Variants in PSMC2 observed in about 807,000 individuals in gnomAD.
The protein encoded by PSMC2 is proteasome 26S subunit, ATPase 2.
In PSMC2, 7 loss-of-function variants were observed where a neutral mutation model predicts 53.3. The observed-to-expected ratio is 0.13, with a 90% CI of 0.07 to 0.25. The LOEUF (loss-of-function observed/expected upper bound fraction) is 0.25, where lower values mean the gene tolerates loss of function less well. PSMC2 is among the 10% of genes least tolerant of loss of function. PSMC2 has a pLI of 1.00. For missense variants in PSMC2, 241 were observed against 544.0 expected (o/e 0.44, Z 5.54); for synonymous variants, 169 against 183.9 (o/e 0.92, Z 0.66).
At chr7:103,350,952 C>T (rs988360979) in intron 1 of PSMC2, among the ~76,000 whole-genome samples, 2 of 152,138 alleles carry the variant, frequency 1.3e-5, no homozygotes, top group East Asian at 1.9e-4. Context: ...CCCTTGGTTT[C>T]TCTTGCTGAA....
chr7:103,366,035 T>C (rs970364877), intron 8 of PSMC2, 41 bp from the exon 9 acceptor site: 3 of 1,515,690 alleles, frequency 2.0e-6, no homozygotes, highest in Admixed American at 1.8e-5. Flanking sequence ...TTAAAATATT[T>C]TGAAACCAAT....
chr7:103,359,206 TG>T (rs370145007), intron 4 of PSMC2, among the ~76,000 whole-genome samples: 33 of 140,210 alleles, frequency 2.4e-4, no homozygotes, highest in African/African-American at 7.5e-4. Flanking sequence ...CCATGTTGCC[TG>T]GGCTGCTCTT....
At chr7:103,349,599 CCCA>C (rs1819683486) in intron 1 of PSMC2, among the ~76,000 whole-genome samples, 1 of 152,046 alleles carries the variant, frequency 6.6e-6, no homozygotes, top group Non-Finnish European at 1.5e-5. Flanking sequence ...CAGGCACCCC[CCCA>C]CCACACCCAA....
At chr7:103,362,174 G>T in intron 5 of PSMC2, 86 bp downstream of exon 5, 10 of 1,571,466 alleles carry the variant, frequency 6.4e-6, no homozygotes, top group Non-Finnish European at 8.6e-6. Context: ...GTGAATAAAT[G>T]GACTGAGTTC....
At chr7:103,348,336 A>T (rs894641531) in intron 1 of PSMC2, among the ~76,000 whole-genome samples, 1 of 152,324 alleles carries the variant, frequency 6.6e-6, no homozygotes, top group South Asian at 2.1e-4. Flanking sequence ...TATTCTATAC[A>T]TATACAAGCA....
At chr7:103,357,326 C>CAAA (rs762310758) in intron 4 of PSMC2, among the ~76,000 whole-genome samples, 1 of 77,828 alleles carries the variant, frequency 1.3e-5, no homozygotes, top group African/African-American at 4.7e-5. Context: ...TACTCTGTCT[C>CAAA]AAAAAAAAAA....
Position 103,368,132 on chromosome 7 carries a change from C to A in PSMC2, c.*78C>A. On this transcript the variant is annotated 3_prime_UTR_variant, in exon 12 of 12. Transcript: ENST00000292644. The stretch of plus-strand genomic sequence containing the variant: ...GACTTGTTAATAACCAATTCATAAA[C>A]AAATAAATGGCTTCAAAATTGTATG... The A allele has an allele frequency of 7.9e-7, 1 of 1,266,810 alleles. No individual in the cohort carries two copies. The highest frequency in any genetic ancestry group is 1.1e-6 in the Non-Finnish European group (1 of 929,522). The allele number at this position is 1,266,810 out of a possible 1,614,324, so 78.5% of individuals were successfully genotyped here.
At position 103,368,223 on chromosome 7, in the gene PSMC2, C is replaced by CTTGT. The variant is rs1303437593; in HGVS notation, c.*171_*174dup. The CTTGT allele has an allele frequency of 2.4e-5, 16 of 656,354 alleles. 1 individual carries two copies. Among genetic ancestry groups the CTTGT allele is most frequent in the African/African-American group, 9.3e-5 (5 of 53,928 alleles). 40.7% of individuals were successfully genotyped at this position (656,354 alleles called of 1,614,324 possible). ...TTTCTAATGTTATTAGGCAGAAAAG[C>CTTGT]TTGTTAGAATATATTTTGACTATTT... On this transcript the variant is annotated 3_prime_UTR_variant, in exon 12 of 12. Coordinates refer to ENST00000292644, the MANE Select transcript of PSMC2 (RefSeq NM_002803.4).
At chr7:103,357,043 A>G (rs1016404208) in intron 4 of PSMC2, among the ~76,000 whole-genome samples, 1 of 152,036 alleles carries the variant, frequency 6.6e-6, no homozygotes, top group Non-Finnish European at 1.5e-5. Context: ...TAAATAGTTC[A>G]GGCTGGGCAC....
At chr7:103,352,145 A>G (rs901089565) in intron 1 of PSMC2, among the ~76,000 whole-genome samples, 3 of 120,798 alleles carry the variant, frequency 2.5e-5, no homozygotes, top group African/African-American at 9.2e-5. Context: ...TGTGTATACT[A>G]TGTTTCAGCT....
rs199667208 is a variant in PSMC2 at position 103,354,954 on chromosome 7, G to A, written c.190+5G>A. 2 of 1,580,644 alleles carry A rather than the reference G, an allele frequency of 1.3e-6. No homozygotes were observed. Among genetic ancestry groups the A allele is most frequent in the Non-Finnish European group, 1.7e-6 (2 of 1,150,466 alleles). Reference sequence around the variant, plus strand: ...AGAAAATTAATGAGCTCACTGGTATGTATTTTTAAATTCCCATTTCCTTCC... The same window carrying A: ...AGAAAATTAATGAGCTCACTGGTATATATTTTTAAATTCCCATTTCCTTCC... On this transcript the variant is annotated splice_donor_5th_base_variant and intron_variant, in intron 3 of 11. Transcript: ENST00000292644.
At chr7:103,360,744 T>C (rs1820337585) in intron 4 of PSMC2, among the ~76,000 whole-genome samples, 1 of 152,254 alleles carries the variant, frequency 6.6e-6, no homozygotes, top group African/African-American at 2.4e-5. Flanking sequence ...TTGACTATTT[T>C]ATACTGTGAT....
chr7:103,358,843 C>T (rs532362562), intron 4 of PSMC2, among the ~76,000 whole-genome samples: 2 of 152,114 alleles, frequency 1.3e-5, no homozygotes, highest in Non-Finnish European at 2.9e-5. Flanking sequence ...GACAGACTAG[C>T]TAAAGAGCCC....
At position 103,368,171 on chromosome 7, in the gene PSMC2, C is replaced by A; in HGVS notation, c.*117C>A. The A allele has an allele frequency of 1.1e-6, 1 of 886,024 alleles. No homozygotes were observed. Among genetic ancestry groups the A allele is most frequent in the Non-Finnish European group, 1.7e-6 (1 of 603,778 alleles). The allele number at this position is 886,024 out of a possible 1,614,324, so 54.9% of individuals were successfully genotyped here. On this transcript the variant is annotated 3_prime_UTR_variant, in exon 12 of 12. Coordinates refer to ENST00000292644, the MANE Select transcript of PSMC2 (RefSeq NM_002803.4). Reference sequence around the variant, plus strand: ...CAAAATTGTATGCTTTTTTCCATATCTCTTCTTGTAATATAATAAAAGGTG... The same window carrying A: ...CAAAATTGTATGCTTTTTTCCATATATCTTCTTGTAATATAATAAAAGGTG...
intron 3 of PSMC2, among the ~76,000 whole-genome samples, chr7:103,355,367 T>G (rs113835327): frequency 9.9e-5 from 15 of 152,216 alleles, no homozygotes; most frequent in African/African-American, 3.6e-4. Context: ...AAATGTCAAA[T>G]GTGGCATTAT....
intron 1 of PSMC2, among the ~76,000 whole-genome samples, chr7:103,351,793 G>T (rs1819746788): frequency 6.6e-6 from 1 of 152,116 alleles, no homozygotes; most frequent in Non-Finnish European, 1.5e-5. Context: ...GACTTCTGTT[G>T]TGTGGTACCT....
At chr7:103,349,628 T>A (rs1022639194) in intron 1 of PSMC2, among the ~76,000 whole-genome samples, 3 of 152,138 alleles carry the variant, frequency 2.0e-5, no homozygotes, top group African/African-American at 7.2e-5. Context: ...TTTTGCATTT[T>A]TAGCAGAGAC....
intron 2 of PSMC2, among the ~76,000 whole-genome samples, chr7:103,354,365 ATTTTTTTTT>A (rs752847513): frequency 1.5e-5 from 2 of 134,538 alleles, no homozygotes; most frequent in Non-Finnish European, 3.2e-5. Context: ...TTCACACACG[ATTTTTTTTT>A]TTTTTTTTTT....
chr7:103,348,869 T>C lies in PSMC2; in HGVS notation c.70+1088T>C, dbSNP rs561576086. On this transcript the variant is annotated intron_variant, in intron 1 of 11. Transcript: ENST00000292644. ...TAAACATTTAAAAAAATGAATAATC[T>C]TGTTTATGTAACTTTTACCAAGTGC... is the stretch of plus-strand genomic sequence containing the variant. The C allele has an allele frequency of 9.5e-6, 5 of 527,934 alleles. No individual in the cohort carries two copies. The South Asian group carries it at 9.8e-5, about 10-fold the overall frequency. 32.7% of individuals were successfully genotyped at this position (527,934 alleles called of 1,614,324 possible).
Sources: gnomAD v4.1 joint callset for allele counts (sites outside exome capture counted in the v4.1 genomes callset) on GRCh38, gnomAD v4.1.1 for gene constraint, MANE v1.5 for transcripts, NCBI Gene and HGNC (gene_info 2026-07-23, HGNC 2026-07-21) for gene names.